The following LINGO2 variants were observed in gnomAD, a reference collection of about 807,000 sequenced individuals.
LINGO2 encodes the protein leucine rich repeat and Ig domain containing 2, also known as leucine-rich repeat and immunoglobulin-like domain-containing nogo receptor-interacting protein 2.
In LINGO2, 14 loss-of-function variants were observed where a neutral mutation model predicts 30.6. The ratio of observed to expected loss-of-function variants is 0.46; its 90% CI spans 0.30 to 0.72. The LOEUF (loss-of-function observed/expected upper bound fraction) is 0.72. Ranked by LOEUF, LINGO2 falls within the 30% of genes least tolerant of loss-of-function variation. The probability of loss-of-function intolerance (pLI) is 0.07; values close to 1 mark genes in which losing one functional copy is unlikely to be tolerated. For synonymous variants in LINGO2, 317 were observed against 288.5 expected, an observed-to-expected ratio of 1.10 and a Z score of -1.00; for missense variants, 729 against 751.7, an observed-to-expected ratio of 0.97 and a Z score of 0.35.
the LINGO2 span, among the ~76,000 whole-genome samples, chr9:28,692,334 G>C: frequency 6.6e-6 from 1 of 152,064 alleles, no homozygotes; most frequent in African/African-American, 2.4e-5. Flanking sequence ...TATTAGCCAA[G>C]TGTGGTGGTG....
intron 2 of LINGO2, among the ~76,000 whole-genome samples, chr9:28,431,396 A>C (rs1157254156): frequency 6.6e-6 from 1 of 152,210 alleles, no homozygotes; most frequent in African/African-American, 2.4e-5. Context: ...GAAGAGAAGA[A>C]GGGAGAAAGA....
the LINGO2 span, among the ~76,000 whole-genome samples, chr9:28,934,961 T>C: frequency 6.6e-6 from 1 of 152,144 alleles, no homozygotes; most frequent in Non-Finnish European, 1.5e-5. Flanking sequence ...TGATGCTTGT[T>C]TGATTTTGCT....
chr9:28,234,259 A>T (rs1821476721), intron 4 of LINGO2, among the ~76,000 whole-genome samples: 1 of 152,168 alleles, frequency 6.6e-6, no homozygotes. Context: ...CTGACAGAAC[A>T]GCCCTGGGGC....
At chr9:27,969,033 A>T (rs560313896) in intron 5 of LINGO2, among the ~76,000 whole-genome samples, 19 of 152,104 alleles carry the variant, frequency 1.2e-4, no homozygotes, top group African/African-American at 4.6e-4. Flanking sequence ...ACATTAATAT[A>T]ATATACATGC....
chr9:28,650,616 C>T (rs978516447), intron 1 of LINGO2, among the ~76,000 whole-genome samples: 10 of 152,158 alleles, frequency 6.6e-5, no homozygotes, highest in Non-Finnish European at 1.2e-4. Flanking sequence ...ACCTCTCTGA[C>T]GTCCTGTTTC....
intron 5 of LINGO2, among the ~76,000 whole-genome samples, chr9:27,996,596 G>A (rs10429634): frequency 0.16 from 24,978 of 152,090 alleles, 2,068 homozygotes; most frequent in Admixed American, 0.22. Flanking sequence ...GGTTACTAGT[G>A]ACAGGGAAAG....
chr9:28,044,606 G>GA (rs1409306790), intron 4 of LINGO2, among the ~76,000 whole-genome samples: 3 of 152,060 alleles, frequency 2.0e-5, no homozygotes, highest in African/African-American at 4.8e-5. Flanking sequence ...TAGGTTGACA[G>GA]AAAAAACACA....
intron 3 of LINGO2, among the ~76,000 whole-genome samples, chr9:28,316,626 G>C (rs1045667222): frequency 6.6e-6 from 1 of 152,100 alleles, no homozygotes; most frequent in Admixed American, 6.5e-5. Context: ...AGTCCCCAGA[G>C]AGGAACCGGC....
intron 4 of LINGO2, among the ~76,000 whole-genome samples, chr9:28,021,849 G>A (rs1823141976): frequency 7.2e-6 from 1 of 139,190 alleles, no homozygotes; most frequent in Admixed American, 6.8e-5. Context: ...TTGTTTTTAA[G>A]CCGAATCTTG....
exon 4 of LINGO2, chr9:28,295,301 T>A (rs1044600862): frequency 1.3e-5 from 2 of 152,600 alleles, no homozygotes; most frequent in African/African-American, 4.8e-5. Flanking sequence ...TTGATCATGA[T>A]AATTCCCGCA....
At chr9:28,457,337 C>T (rs916225928) in intron 2 of LINGO2, among the ~76,000 whole-genome samples, 3 of 152,258 alleles carry the variant, frequency 2.0e-5, no homozygotes, top group East Asian at 3.9e-4. Context: ...ACAGTGAAGG[C>T]TTAAGTTAAT....
At chr9:28,021,689 T>C (rs1015427839) in intron 4 of LINGO2, among the ~76,000 whole-genome samples, 5 of 152,128 alleles carry the variant, frequency 3.3e-5, no homozygotes, top group Non-Finnish European at 7.4e-5. Flanking sequence ...TACACATACA[T>C]CTTGGATTGT....
At chr9:28,794,221 T>C in the LINGO2 span, among the ~76,000 whole-genome samples, 1 of 152,182 alleles carries the variant, frequency 6.6e-6, no homozygotes, top group Non-Finnish European at 1.5e-5. Context: ...GGAGAATCGC[T>C]TGAATCCGGG....
rs146106262 is a variant in LINGO2, at chr9:28,592,917, C to T, written c.-365+77283G>A. Among the ~76,000 whole-genome samples, 307 of 152,132 alleles carry T rather than the reference C, an allele frequency of 2.0e-3. 3 individuals carry two copies. The highest frequency in any genetic ancestry group is 7.0e-3 in the African/African-American group (289 of 41,528). On this transcript the variant is annotated intron_variant, in intron 1 of 5. Coordinates refer to ENST00000379992, the Ensembl canonical transcript of LINGO2. ...AATCCCATCTATTGGCTCTCTGCCA[C>T]GTGTAACATGCCATTTGAGCCAATG...
chr9:29,026,984 T>G, the LINGO2 span, among the ~76,000 whole-genome samples: 1 of 152,068 alleles, frequency 6.6e-6, no homozygotes, highest in African/African-American at 2.4e-5. Context: ...AAAACAAGAA[T>G]GATATGTTTC....
chr9:29,112,385 G>C, the LINGO2 span, among the ~76,000 whole-genome samples: 1 of 152,048 alleles, frequency 6.6e-6, no homozygotes, highest in South Asian at 2.1e-4. Context: ...TGCTCTTGTG[G>C]GCTTTCCAGG....
the LINGO2 span, among the ~76,000 whole-genome samples, chr9:29,091,408 A>AT: frequency 0.31 from 46,449 of 151,658 alleles, 7,238 homozygotes; most frequent in East Asian, 0.47. Context: ...TTCAAAAAAA[A>AT]TTTTTTTGCT....
At chr9:28,524,448 T>G (rs1335906388) in intron 1 of LINGO2, among the ~76,000 whole-genome samples, 1 of 152,132 alleles carries the variant, frequency 6.6e-6, no homozygotes, top group Non-Finnish European at 1.5e-5. Flanking sequence ...AAAGACATCT[T>G]TATAAAAGTC....
chr9:28,515,555 A>T (rs1820588388), intron 1 of LINGO2, among the ~76,000 whole-genome samples: 1 of 152,208 alleles, frequency 6.6e-6, no homozygotes, highest in Non-Finnish European at 1.5e-5. Flanking sequence ...CAGTGGAGGA[A>T]GTAACTGCAG....
Sources: allele counts gnomAD v4.1 joint callset (sites outside exome capture counted in the v4.1 genomes callset), GRCh38; gene constraint gnomAD v4.1.1; transcripts MANE v1.5; gene names NCBI Gene and HGNC (gene_info 2026-07-23, HGNC 2026-07-21).